Variants in FER observed in about 807,000 individuals in gnomAD.
The protein encoded by FER is tyrosine-protein kinase Fer.
Under a neutral mutation model 111.0 loss-of-function variants are expected in FER, and 63 were observed. That is an observed-to-expected ratio of 0.57 (90% CI 0.46 to 0.70). The LOEUF (loss-of-function observed/expected upper bound fraction) is 0.70, where lower values mean the gene tolerates loss of function less well. Among genes scored for constraint, FER ranks in the 30% least tolerant of loss-of-function variants. The probability of loss-of-function intolerance (pLI) is 0.00; values close to 1 mark genes in which losing one functional copy is unlikely to be tolerated. For synonymous variants in FER, 327 were observed against 313.9 expected (o/e 1.04, Z -0.44); for missense variants, 914 against 954.0 (o/e 0.96, Z 0.55).
At chr5:108,920,336 T>G (rs1268576941) in intron 10 of FER, among the ~76,000 whole-genome samples, 1 of 152,176 alleles carries the variant, frequency 6.6e-6, no homozygotes, top group Non-Finnish European at 1.5e-5. Context: ...TTAAATTGTT[T>G]GCTATATCTG....
chr5:108,937,997 C>T (rs1755719383), intron 10 of FER, among the ~76,000 whole-genome samples: 1 of 150,150 alleles, frequency 6.7e-6, no homozygotes, highest in Non-Finnish European at 1.5e-5. Flanking sequence ...TTCCTACTCT[C>T]TTCCCTCCTT....
chr5:108,749,455 C>T (rs919566062), intron 1 of FER, among the ~76,000 whole-genome samples: 5 of 152,150 alleles, frequency 3.3e-5, no homozygotes, highest in African/African-American at 1.2e-4. Flanking sequence ...CCTGTACCCT[C>T]ACCCCTTTTC....
chr5:109,120,474 C>T (rs2126489872), intron 17 of FER, among the ~76,000 whole-genome samples: 1 of 152,130 alleles, frequency 6.6e-6, no homozygotes, highest in Middle Eastern at 3.4e-3. Context: ...ATTTTTATTG[C>T]CAGTACCATT....
At position 108,876,930 on chromosome 5, in the gene FER, C is replaced by T. The variant is rs546325905; in HGVS notation, c.923+4718C>T. ...CAGTTATTACTGTATTTTGAATTTG[C>T]CAACAAAATATTTGTGAATCTTTGT... is the stretch of plus-strand genomic sequence containing the variant. On this transcript the variant is annotated intron_variant, in intron 8 of 19. Transcript: ENST00000281092. Among the ~76,000 whole-genome samples the T allele has an allele frequency of 2.0e-5, 3 of 152,036 alleles. No homozygotes were observed. The South Asian group carries it at 6.3e-4, about 32-fold the overall frequency.
intron 9 of FER, among the ~76,000 whole-genome samples, chr5:108,892,762 T>C (rs1421445290): frequency 1.3e-5 from 2 of 152,208 alleles, no homozygotes; most frequent in African/African-American, 4.8e-5. Context: ...TCCTGAATGG[T>C]AATGCCTAGG....
intron 16 of FER, among the ~76,000 whole-genome samples, chr5:109,088,663 G>A (rs529005660): frequency 6.6e-6 from 1 of 152,166 alleles, no homozygotes; most frequent in Admixed American, 6.5e-5. Context: ...GATTATTAAT[G>A]CTCTTCCATA....
At chr5:108,789,443 T>G (rs1181375810) in intron 2 of FER, among the ~76,000 whole-genome samples, 1 of 152,148 alleles carries the variant, frequency 6.6e-6, no homozygotes, top group Non-Finnish European at 1.5e-5. Flanking sequence ...ACTTTCTATA[T>G]TCTAAATCAT....
intron 1 of FER, among the ~76,000 whole-genome samples, chr5:108,764,106 G>C (rs1237246759): frequency 6.6e-6 from 1 of 152,108 alleles, no homozygotes. Context: ...AAACATTAGA[G>C]TGCTGGTGAT....
intron 3 of FER, among the ~76,000 whole-genome samples, chr5:108,799,636 C>A (rs1756413146): frequency 6.6e-6 from 1 of 152,104 alleles, no homozygotes; most frequent in Non-Finnish European, 1.5e-5. Flanking sequence ...ATCTGAAATT[C>A]AAATTTAACT....
At chr5:108,956,267 A>C (rs1454028124) in intron 12 of FER, among the ~76,000 whole-genome samples, 1 of 151,688 alleles carries the variant, frequency 6.6e-6, no homozygotes, top group Non-Finnish European at 1.5e-5. Context: ...TATTGCCAAT[A>C]TTTATTACGT....
Position 109,173,765 on chromosome 5 carries a change from C to G in FER, c.2049-6982C>G, listed in dbSNP as rs897425345. Among the ~76,000 whole-genome samples, 19 of 148,124 alleles carry G rather than the reference C, an allele frequency of 1.3e-4. No individual in the cohort carries two copies. The South Asian group carries it at 2.5e-3, about 19-fold the overall frequency. ...TGGTATAATATGTACCTCCCCCCCCCCCACAAGTAACATACATGCATTTTA... is the reference window on the plus strand; with the variant it reads ...TGGTATAATATGTACCTCCCCCCCCGCCACAAGTAACATACATGCATTTTA... On this transcript the variant is annotated intron_variant, in intron 17 of 19. Transcript: ENST00000281092.
At chr5:108,894,509 A>G (rs755441587) in intron 9 of FER, 7 of 397,148 alleles carry the variant, frequency 1.8e-5, no homozygotes, top group Admixed American at 1.4e-4. Context: ...CACTGATATT[A>G]GTTAGTTTGA....
chr5:108,834,647 T>A (rs1760418127), intron 4 of FER, among the ~76,000 whole-genome samples: 1 of 145,356 alleles, frequency 6.9e-6, no homozygotes, highest in Non-Finnish European at 1.5e-5. Context: ...GCAGTAAGCC[T>A]AGATCATGCC....
At chr5:108,977,493 C>T (rs1207624652) in intron 13 of FER, among the ~76,000 whole-genome samples, 2 of 151,956 alleles carry the variant, frequency 1.3e-5, no homozygotes, top group Non-Finnish European at 2.9e-5. Context: ...TAAGTGAATC[C>T]ACACAGTTCA....
intron 16 of FER, among the ~76,000 whole-genome samples, chr5:109,067,324 G>A (rs903195196): frequency 3.6e-5 from 5 of 140,574 alleles, no homozygotes; most frequent in South Asian, 2.2e-4. Flanking sequence ...CACCAAAACC[G>A]TCTTTCTGTC....
intron 1 of FER, among the ~76,000 whole-genome samples, chr5:108,756,822 C>T (rs1751168768): frequency 6.6e-6 from 1 of 152,002 alleles, no homozygotes; most frequent in Admixed American, 6.6e-5. Flanking sequence ...TTTTTTCTCC[C>T]CTCCTCAACA....
intron 2 of FER, among the ~76,000 whole-genome samples, chr5:108,787,225 C>T (rs1377224037): frequency 6.6e-6 from 1 of 152,226 alleles, no homozygotes; most frequent in African/African-American, 2.4e-5. Context: ...ACTGTTGCAA[C>T]CCGGCCAGGT....
chr5:108,748,244 C>T (rs947332068), intron 1 of FER, among the ~76,000 whole-genome samples: 2 of 152,212 alleles, frequency 1.3e-5, no homozygotes, highest in Non-Finnish European at 2.9e-5. Flanking sequence ...AAAAAGTGAC[C>T]AATTCTGAGG....
chr5:108,904,941 C>G (rs1750543403), intron 10 of FER, among the ~76,000 whole-genome samples: 1 of 152,058 alleles, frequency 6.6e-6, no homozygotes, highest in African/African-American at 2.4e-5. Context: ...ATGGCTCTGA[C>G]ACCTAAAGTA....
Sources: allele counts gnomAD v4.1 joint callset (sites outside exome capture counted in the v4.1 genomes callset), GRCh38; gene constraint gnomAD v4.1.1; transcripts MANE v1.5; gene names NCBI Gene and HGNC (gene_info 2026-07-23, HGNC 2026-07-21).